The following PDZD2 variants were observed in gnomAD, a reference collection of about 807,000 sequenced individuals.
PDZD2 encodes PDZ domain containing 2.
In PDZD2, 90 loss-of-function variants were observed where a neutral mutation model predicts 220.7. The observed-to-expected ratio is 0.41, with a 90% CI of 0.34 to 0.49. PDZD2 has a LOEUF of 0.49. PDZD2 is among the 20% of genes least tolerant of loss of function. The pLI is 0.28. For synonymous variants in PDZD2, 1,375 were observed against 1,450.5 expected, an observed-to-expected ratio of 0.95 and a Z score of 1.18; for missense variants, 3,174 against 3,608.5, an observed-to-expected ratio of 0.88 and a Z score of 3.08.
rs1237617849 is a variant in PDZD2 at position 32,077,445 on chromosome 5, G to C, written c.3538-17G>C. On this transcript the variant is annotated splice_polypyrimidine_tract_variant and intron_variant, in intron 18 of 24. Coordinates refer to ENST00000438447, the MANE Select transcript of PDZD2 (RefSeq NM_178140.4). ...CTGAAAGTTATTTCAAGTGGCTTGT[G>C]GTTGTCATTGTGCCAGGAATCTCTG... 1 of 1,612,768 alleles carries C rather than the reference G, an allele frequency of 6.2e-7. No individual in the cohort carries two copies.
intron 18 of PDZD2, among the ~76,000 whole-genome samples, chr5:32,076,287 A>AG (rs1491176735): frequency 8.4e-6 from 1 of 118,840 alleles, no homozygotes; most frequent in Non-Finnish European, 1.8e-5. Flanking sequence ...CTCGGTCTCA[A>AG]GAAAAAAAAA....
intron 2 of PDZD2, among the ~76,000 whole-genome samples, chr5:31,844,480 T>C (rs1757486826): frequency 6.6e-6 from 1 of 152,184 alleles, no homozygotes; most frequent in South Asian, 2.1e-4. Context: ...TATTACTGAG[T>C]ATAGAAATGA....
intron 2 of PDZD2, among the ~76,000 whole-genome samples, chr5:31,980,182 A>C (rs1750176817): frequency 6.6e-6 from 1 of 152,034 alleles, no homozygotes; most frequent in Admixed American, 6.6e-5. Flanking sequence ...AAAACCCTGG[A>C]TCTATTAGCA....
chr5:31,829,829 G>A (rs1337065240), intron 2 of PDZD2, among the ~76,000 whole-genome samples: 1 of 151,792 alleles, frequency 6.6e-6, no homozygotes, highest in Non-Finnish European at 1.5e-5. Context: ...AAGGTGAGTG[G>A]ATCACTTGAG....
chr5:31,649,292 T>G (rs1017902653), intron 1 of PDZD2, among the ~76,000 whole-genome samples: 2 of 151,994 alleles, frequency 1.3e-5, no homozygotes, highest in Non-Finnish European at 2.9e-5. Flanking sequence ...CTCCTATGAC[T>G]CCTTCTCTTA....
In PDZD2 at chr5:31,848,913, G is replaced by A. The variant is rs570259330; in HGVS notation, c.476+49189G>A. ...AAATACAAAAAATTAGCCAGGCGTG[G>A]TGGCAGGCGCCTGTAGTCCCAGGTA... On this transcript the variant is annotated intron_variant, in intron 2 of 24. Coordinates refer to ENST00000438447, the MANE Select transcript of PDZD2 (RefSeq NM_178140.4). Among the ~76,000 whole-genome samples the A allele has an allele frequency of 7.9e-5, 12 of 152,184 alleles. No individual in the cohort carries two copies. The East Asian group carries it at 1.9e-3, about 25-fold the overall frequency.
chr5:31,641,710 A>T (rs1295148972), intron 1 of PDZD2, among the ~76,000 whole-genome samples: 3 of 151,988 alleles, frequency 2.0e-5, no homozygotes, highest in Non-Finnish European at 1.5e-5. Flanking sequence ...GCTGGTCTCG[A>T]ACTCCTGGGC....
At chr5:31,886,600 G>A (rs1021239467) in intron 2 of PDZD2, among the ~76,000 whole-genome samples, 1 of 129,206 alleles carries the variant, frequency 7.7e-6, no homozygotes. Flanking sequence ...CTCAGCCACG[G>A]CCCAGGGTGG....
intron 8 of PDZD2, among the ~76,000 whole-genome samples, chr5:32,050,125 T>G (rs373339383): frequency 2.0e-4 from 31 of 152,176 alleles, no homozygotes; most frequent in East Asian, 1.5e-3. Context: ...GAGACGGGGT[T>G]TCATCATGTT....
chr5:31,879,098 G>A (rs963624859), intron 2 of PDZD2, among the ~76,000 whole-genome samples: 14 of 151,776 alleles, frequency 9.2e-5, no homozygotes, highest in Admixed American at 9.2e-4. Context: ...AAGAATGGAC[G>A]TTTCTCGGGC....
rs181522682 is a variant in PDZD2, at chr5:31,705,920, G to A, written c.-361+66483G>A. 4.9e-4 allele frequency among the ~76,000 whole-genome samples: 75 copies of A among 152,232 alleles called. 2 individuals carry two copies. In the East Asian group the frequency reaches 0.013, roughly 27 times the overall value. ...ACAAAATTTACCTGGGCGTGGTGGT[G>A]GGTGCCTGTAATCCCAGGTACTCAG... On this transcript the variant is annotated intron_variant, in intron 1 of 24. Coordinates refer to ENST00000438447, the MANE Select transcript of PDZD2 (RefSeq NM_178140.4).
At chr5:31,680,750 C>G (rs1041871207) in intron 1 of PDZD2, among the ~76,000 whole-genome samples, 2 of 152,104 alleles carry the variant, frequency 1.3e-5, no homozygotes, top group East Asian at 3.9e-4. Context: ...GGAAATGATG[C>G]CGGCTTGTCC....
Position 31,713,478 on chromosome 5 carries a change from G to A in PDZD2, c.-361+74041G>A, listed in dbSNP as rs141265246. ...TACATCTTGGTATCTGCTATGGTTT[G>A]GATATTTGAGCCCTGCAAATCTCAT... On this transcript the variant is annotated intron_variant, in intron 1 of 24. Transcript: ENST00000438447. Among the ~76,000 whole-genome samples the A allele has an allele frequency of 2.2e-3, 334 of 152,270 alleles. 2 individuals are homozygous for A. Among genetic ancestry groups the A allele is most frequent in the African/African-American group, 7.6e-3 (314 of 41,558 alleles).
At chr5:31,720,552 C>T (rs1000370185) in intron 1 of PDZD2, among the ~76,000 whole-genome samples, 31 of 152,168 alleles carry the variant, frequency 2.0e-4, no homozygotes, top group African/African-American at 6.0e-4. Context: ...TTATGTGACA[C>T]GGGAGCCTTC....
At chr5:31,645,928 C>A (rs1745118731) in intron 1 of PDZD2, among the ~76,000 whole-genome samples, 1 of 151,640 alleles carries the variant, frequency 6.6e-6, no homozygotes, top group African/African-American at 2.4e-5. Flanking sequence ...AAGTTTGGAT[C>A]TCAGTGTACT....
intron 2 of PDZD2, among the ~76,000 whole-genome samples, chr5:31,970,833 C>T (rs893757750): frequency 1.3e-5 from 2 of 152,120 alleles, no homozygotes; most frequent in African/African-American, 4.8e-5. Context: ...GGAAATCCCC[C>T]TAAAGGTATT....
intron 24 of PDZD2, chr5:32,106,129 C>T (rs1339984896): frequency 3.9e-5 from 6 of 152,738 alleles, no homozygotes; most frequent in East Asian, 1.9e-4. Flanking sequence ...CTCACCATCA[C>T]GTAGAATCTG....
chr5:31,924,688 G>A (rs77714272), intron 2 of PDZD2, among the ~76,000 whole-genome samples: 7,435 of 152,282 alleles, frequency 0.049, 216 homozygotes, highest in Non-Finnish European at 0.073. Flanking sequence ...GTCTTGAGAC[G>A]TAGCCAATCT....
chr5:31,785,011 A>C (rs1314079363), intron 1 of PDZD2, among the ~76,000 whole-genome samples: 8 of 152,018 alleles, frequency 5.3e-5, no homozygotes, highest in Non-Finnish European at 4.4e-5. Context: ...AGTGTGGGAG[A>C]GGGAGTGCCT....
Sources: allele counts gnomAD v4.1 joint callset (sites outside exome capture counted in the v4.1 genomes callset), GRCh38; gene constraint gnomAD v4.1.1; transcripts MANE v1.5; gene names NCBI Gene and HGNC (gene_info 2026-07-23, HGNC 2026-07-21).